The following NEGR1 variants were observed in gnomAD, a reference collection of about 807,000 sequenced individuals.
The protein encoded by NEGR1 is IgLON family member 4.
A neutral mutation model predicts 40.9 loss-of-function variants in NEGR1; 10 were observed. That is an observed-to-expected ratio of 0.24 (90% CI 0.15 to 0.42). NEGR1 has a LOEUF of 0.42. Among genes scored for constraint, NEGR1 ranks in the 10% least tolerant of loss-of-function variants. The pLI, the probability that NEGR1 is intolerant of heterozygous loss-of-function variation, is 1.00. For synonymous variants in NEGR1, 185 were observed against 166.8 expected (o/e 1.11, Z -0.84); for missense variants, 352 against 438.9 (o/e 0.80, Z 1.77).
At chr1:71,597,725 G>A (rs2101528015) in intron 5 of NEGR1, among the ~76,000 whole-genome samples, 1 of 151,530 alleles carries the variant, frequency 6.6e-6, no homozygotes, top group South Asian at 2.1e-4. Flanking sequence ...TGGCCAACAG[G>A]GTGAAACCTC....
chr1:72,080,775 T>C (rs1393705183), intron 1 of NEGR1, among the ~76,000 whole-genome samples: 4 of 152,116 alleles, frequency 2.6e-5, no homozygotes, highest in Admixed American at 1.3e-4. Flanking sequence ...GATGAAGGCA[T>C]GCAAGTGCTT....
intron 2 of NEGR1, among the ~76,000 whole-genome samples, chr1:71,931,669 A>G (rs1213572859): frequency 1.3e-5 from 2 of 152,148 alleles, no homozygotes; most frequent in Non-Finnish European, 2.9e-5. Flanking sequence ...GCTCTCATGA[A>G]TGAATAACCA....
intron 4 of NEGR1, among the ~76,000 whole-genome samples, chr1:71,643,011 A>G (rs1651406529): frequency 6.6e-6 from 1 of 152,004 alleles, no homozygotes; most frequent in Non-Finnish European, 1.5e-5. Flanking sequence ...GAATAAAAAG[A>G]CCAGACAAAG....
chr1:72,119,040 T>C (rs1328293736), intron 1 of NEGR1, among the ~76,000 whole-genome samples: 1 of 151,818 alleles, frequency 6.6e-6, no homozygotes, highest in Non-Finnish European at 1.5e-5. Flanking sequence ...TATATTTAGA[T>C]ATCCAACCTT....
At chr1:72,036,802 C>T (rs1905979) in intron 1 of NEGR1, among the ~76,000 whole-genome samples, 12,741 of 151,746 alleles carry the variant, frequency 0.084, 648 homozygotes, top group Middle Eastern at 0.18. Flanking sequence ...AAAAAAAGGA[C>T]ACTGTAAATA....
chr1:71,428,907 TAAAG>T, intron 6 of NEGR1, among the ~76,000 whole-genome samples: 1 of 152,020 alleles, frequency 6.6e-6, no homozygotes. Context: ...AAACAATACA[TAAAG>T]AAACAAATTT....
intron 6 of NEGR1, among the ~76,000 whole-genome samples, chr1:71,559,023 A>G (rs61764989): frequency 0.06 from 4,591 of 76,868 alleles, 151 homozygotes; most frequent in African/African-American, 0.13. Context: ...GTGTGTGTAT[A>G]TATATATATA....
At chr1:71,818,200 A>G (rs1658297954) in intron 2 of NEGR1, among the ~76,000 whole-genome samples, 1 of 152,032 alleles carries the variant, frequency 6.6e-6, no homozygotes, top group African/African-American at 2.4e-5. Context: ...ACCCACAGGA[A>G]TATAAATCAT....
chr1:71,664,945 C>T (rs1652191028), intron 4 of NEGR1, among the ~76,000 whole-genome samples: 1 of 152,034 alleles, frequency 6.6e-6, no homozygotes, highest in South Asian at 2.1e-4. Flanking sequence ...TTCTATTAAA[C>T]CTTCCTTTGG....
chr1:72,136,016 TA>T lies in NEGR1; in HGVS notation c.176+146302del, dbSNP rs769971502. Among the ~76,000 whole-genome samples, 16 of 152,224 alleles carry T rather than the reference TA, an allele frequency of 1.1e-4. No homozygotes were observed. In the East Asian group the frequency reaches 1.4e-3, roughly 13 times the overall value. ...GGTAAATGATGAAACAATTTCCAAG[TA>T]ACTAAAGTACTTCTAATAAGAAAGC... On this transcript the variant is annotated intron_variant, in intron 1 of 6. Coordinates refer to ENST00000357731, the MANE Select transcript of NEGR1 (RefSeq NM_173808.3).
chr1:71,793,474 T>C (rs1192032265), intron 2 of NEGR1, among the ~76,000 whole-genome samples: 1 of 150,596 alleles, frequency 6.6e-6, no homozygotes, highest in Non-Finnish European at 1.5e-5. Flanking sequence ...TATCTACCAA[T>C]ATTTAAAGAA....
intron 3 of NEGR1, among the ~76,000 whole-genome samples, chr1:71,730,887 T>C (rs1654840350): frequency 7.8e-6 from 1 of 128,122 alleles, no homozygotes; most frequent in African/African-American, 2.9e-5. Context: ...CGTGTGTGTG[T>C]GTGTGTGTGT....
chr1:72,138,228 TA>T (rs1484952106), intron 1 of NEGR1, among the ~76,000 whole-genome samples: 2 of 152,092 alleles, frequency 1.3e-5, no homozygotes, highest in African/African-American at 4.8e-5. Flanking sequence ...TACAACTAAT[TA>T]TTTTTTTAAA....
intron 2 of NEGR1, among the ~76,000 whole-genome samples, chr1:71,849,340 G>A (rs1266450088): frequency 2.0e-5 from 3 of 152,162 alleles, no homozygotes; most frequent in Non-Finnish European, 4.4e-5. Context: ...GAAAGTAACT[G>A]CAGATGTGGT....
chr1:71,434,108 T>C (rs1230738125), intron 6 of NEGR1, among the ~76,000 whole-genome samples: 1 of 152,034 alleles, frequency 6.6e-6, no homozygotes, highest in Non-Finnish European at 1.5e-5. Context: ...TTTCAATAAA[T>C]ATATTGAGAA....
chr1:72,281,524 G>A (rs1376166608), intron 1 of NEGR1, among the ~76,000 whole-genome samples: 2 of 151,950 alleles, frequency 1.3e-5, no homozygotes, highest in Non-Finnish European at 2.9e-5. Context: ...AAACGGTATG[G>A]GGAGAGGGAT....
At chr1:72,046,724 G>A (rs1001195477) in intron 1 of NEGR1, among the ~76,000 whole-genome samples, 6 of 151,568 alleles carry the variant, frequency 4.0e-5, no homozygotes, top group African/African-American at 7.3e-5. Flanking sequence ...TCTAGATATA[G>A]TTTGTTTTAC....
intron 1 of NEGR1, among the ~76,000 whole-genome samples, chr1:72,138,761 T>C (rs1340992778): frequency 3.3e-5 from 5 of 151,954 alleles, no homozygotes; most frequent in Admixed American, 3.3e-4. Context: ...AGAGGAAAAT[T>C]CACAATTATA....
intron 1 of NEGR1, among the ~76,000 whole-genome samples, chr1:71,936,459 G>T (rs970403527): frequency 2.0e-5 from 3 of 152,156 alleles, no homozygotes; most frequent in African/African-American, 7.2e-5. Flanking sequence ...CACACAGGAT[G>T]CATGAGAGAT....
Sources: gnomAD v4.1 joint callset for allele counts (sites outside exome capture counted in the v4.1 genomes callset) on GRCh38, gnomAD v4.1.1 for gene constraint, MANE v1.5 for transcripts, NCBI Gene and HGNC (gene_info 2026-07-23, HGNC 2026-07-21) for gene names.